Variants in HECTD4 observed in about 807,000 individuals in gnomAD.
HECTD4 encodes the protein HECT domain E3 ubiquitin protein ligase 4.
In HECTD4, 114 loss-of-function variants were observed where a neutral mutation model predicts 471.5. That is an observed-to-expected ratio of 0.24 (90% CI 0.21 to 0.28). The LOEUF is 0.28. Among genes scored for constraint, HECTD4 ranks in the 10% least tolerant of loss-of-function variants. The pLI, the probability that HECTD4 is intolerant of heterozygous loss-of-function variation, is 1.00. For synonymous variants in HECTD4, 2,012 were observed against 2,256.0 expected (o/e 0.89, Z 3.07); for missense variants, 3,866 against 5,651.5 (o/e 0.68, Z 10.13).
chr12:112,310,627 C>T (rs1312870165), intron 4 of HECTD4, among the ~76,000 whole-genome samples: 3 of 152,164 alleles, frequency 2.0e-5, no homozygotes, highest in Non-Finnish European at 2.9e-5. Context: ...ACTAAAAATG[C>T]TGTTAGCTTA....
intron 22 of HECTD4, among the ~76,000 whole-genome samples, 178 bp downstream of exon 22, chr12:112,253,865 A>G (rs2033950322): frequency 6.6e-6 from 1 of 152,204 alleles, no homozygotes; most frequent in South Asian, 2.1e-4. Flanking sequence ...ATGTCCTACA[A>G]GTGAAAGGAG....
At chr12:112,354,709 C>A (rs2036302852) in intron 1 of HECTD4, among the ~76,000 whole-genome samples, 1 of 152,034 alleles carries the variant, frequency 6.6e-6, no homozygotes, top group Non-Finnish European at 1.5e-5. Context: ...AACACACACA[C>A]ACACACGCAC....
intron 29 of HECTD4, among the ~76,000 whole-genome samples, chr12:112,246,194 A>T (rs1414367269): frequency 1.3e-5 from 2 of 151,946 alleles, no homozygotes; most frequent in East Asian, 3.9e-4. Flanking sequence ...AGAAAAAGTT[A>T]ATTTCCAGGA....
chr12:112,209,420 G>A (rs1275527037), intron 50 of HECTD4, among the ~76,000 whole-genome samples: 1 of 150,464 alleles, frequency 6.6e-6, no homozygotes, highest in African/African-American at 2.5e-5. Context: ...TCCACCTCCC[G>A]GTTCAAGCAA....
At chr12:112,172,149 C>T (rs886181123) in intron 67 of HECTD4, among the ~76,000 whole-genome samples, 1 of 152,154 alleles carries the variant, frequency 6.6e-6, no homozygotes, top group Non-Finnish European at 1.5e-5. Context: ...GTGATCCGCC[C>T]GCCTTGGCCT....
intron 1 of HECTD4, among the ~76,000 whole-genome samples, chr12:112,346,573 A>G (rs2036155181): frequency 6.6e-6 from 1 of 152,208 alleles, no homozygotes; most frequent in African/African-American, 2.4e-5. Context: ...CAAGACAAGC[A>G]CAAACAAAAC....
chr12:112,298,576 T>G (rs2035094645), intron 7 of HECTD4, among the ~76,000 whole-genome samples: 1 of 148,286 alleles, frequency 6.7e-6, no homozygotes, highest in Non-Finnish European at 1.5e-5. Flanking sequence ...ACCTCCTGCC[T>G]CAAGCCTCCC....
chr12:112,169,953 G>A (rs967181381), intron 69 of HECTD4: 5 of 561,072 alleles, frequency 8.9e-6, no homozygotes, highest in African/African-American at 3.8e-5. Context: ...CTCCTCTCTC[G>A]TTTCCTCTGC....
rs780842799 is a variant in HECTD4 at position 112,171,275 on chromosome 12, G to T, written c.11786-12C>A. On this transcript the variant is annotated splice_polypyrimidine_tract_variant and intron_variant, in intron 67 of 75. Coordinates refer to ENST00000682272, the MANE Select transcript of HECTD4 (RefSeq NM_001388303.1). ...CTCGATGGGCACGTCTGAGGGCGCA[G>T]GAGCAGTCAGGCTGAGATCTCGGCC... is the stretch of plus-strand genomic sequence containing the variant. The T allele has an allele frequency of 5.0e-6, 8 of 1,591,886 alleles. No homozygotes were observed. Among genetic ancestry groups the T allele is most frequent in the Non-Finnish European group, 6.8e-6 (8 of 1,170,018 alleles).
At chr12:112,380,874 T>G (rs1210307097) in intron 1 of HECTD4, among the ~76,000 whole-genome samples, 1 of 152,172 alleles carries the variant, frequency 6.6e-6, no homozygotes, top group Non-Finnish European at 1.5e-5. Flanking sequence ...AAATGTTCGT[T>G]GTGCGTAAAG....
chr12:112,183,389 C>T, intron 61 of HECTD4, 123 bp from the exon 62 acceptor site: 1 of 780,294 alleles, frequency 1.3e-6, no homozygotes, highest in Non-Finnish European at 2.1e-6. Context: ...GTGAAAGCTG[C>T]CCTACTCTGG....
chr12:112,245,924 G>A (rs1411120546), intron 29 of HECTD4, among the ~76,000 whole-genome samples: 1 of 152,082 alleles, frequency 6.6e-6, no homozygotes, highest in African/African-American at 2.4e-5. Flanking sequence ...CTGAGGTCAG[G>A]GGTTCAAGAC....
chr12:112,313,253 T>C (rs1335227328), intron 3 of HECTD4, 106 bp from the exon 4 acceptor site: 1 of 681,436 alleles, frequency 1.5e-6, no homozygotes, highest in East Asian at 2.9e-5. Flanking sequence ...AAAACTAAGA[T>C]GTATAATATT....
In HECTD4 at chr12:112,248,969, G is replaced by T. The variant is rs999195174; in HGVS notation, c.3951-457C>A. Among the ~76,000 whole-genome samples, 3 of 152,206 alleles carry T rather than the reference G, an allele frequency of 2.0e-5. No homozygotes were observed. In the East Asian group the frequency reaches 5.8e-4, roughly 29 times the overall value. On this transcript the variant is annotated intron_variant, in intron 25 of 75. Transcript: ENST00000682272. ...TCACCACACCTCCTTTATTACAATA[G>T]AGTAAGAGGTATGAATAGTATAATG...
chr12:112,277,837 A>T (rs2034558787), intron 9 of HECTD4, among the ~76,000 whole-genome samples: 2 of 152,168 alleles, frequency 1.3e-5, no homozygotes, highest in South Asian at 4.1e-4. Context: ...ACACTATCCT[A>T]TGTGGTAGGT....
At chr12:112,200,975 A>G (rs1395675110) in intron 54 of HECTD4, among the ~76,000 whole-genome samples, 177 bp from the exon 55 acceptor site, 1 of 152,186 alleles carries the variant, frequency 6.6e-6, no homozygotes, top group African/African-American at 2.4e-5. Context: ...TAGACAAACG[A>G]AAGAGAATTC....
At chr12:112,222,747 T>C (rs1257862108) in intron 44 of HECTD4, among the ~76,000 whole-genome samples, 1 of 152,254 alleles carries the variant, frequency 6.6e-6, no homozygotes, top group South Asian at 2.1e-4. Context: ...AGCAAGAGGA[T>C]TGCCTGAGCC....
intron 7 of HECTD4, among the ~76,000 whole-genome samples, chr12:112,291,138 T>C (rs1022114812): frequency 2.0e-5 from 3 of 152,134 alleles, no homozygotes; most frequent in African/African-American, 7.2e-5. Context: ...TACTAAAATA[T>C]ACACAAAAAG....
intron 1 of HECTD4, among the ~76,000 whole-genome samples, chr12:112,334,637 CA>C (rs869292531): frequency 0.038 from 1,724 of 45,306 alleles, 12 homozygotes; most frequent in African/African-American, 0.064. Context: ...ACTAAAAATA[CA>C]AAAAAAAAAA....
Sources: gnomAD v4.1 joint callset for allele counts (sites outside exome capture counted in the v4.1 genomes callset) on GRCh38, gnomAD v4.1.1 for gene constraint, MANE v1.5 for transcripts, NCBI Gene and HGNC (gene_info 2026-07-23, HGNC 2026-07-21) for gene names.